Variants in SLCO4C1 observed in about 807,000 individuals in gnomAD.
SLCO4C1 encodes the protein solute carrier organic anion transporter family member 4C1.
SLCO4C1 carries 58 observed loss-of-function variants against 72.1 expected under a neutral mutation model. The ratio of observed to expected loss-of-function variants is 0.80; its 90% CI spans 0.65 to 1.00. The LOEUF (loss-of-function observed/expected upper bound fraction) is 1.00. SLCO4C1 is among the 50% of genes least tolerant of loss of function. The pLI is 0.00. For synonymous variants in SLCO4C1, 297 were observed against 312.5 expected (o/e 0.95, Z 0.52); for missense variants, 898 against 857.9 (o/e 1.05, Z -0.58).
intron 8 of SLCO4C1, among the ~76,000 whole-genome samples, chr5:102,250,759 C>T (rs1044042375): frequency 4.6e-5 from 7 of 152,012 alleles, no homozygotes; most frequent in African/African-American, 1.7e-4. Flanking sequence ...GATGCCAAAG[C>T]GGGTGGATCA....
intron 9 of SLCO4C1, among the ~76,000 whole-genome samples, chr5:102,248,403 A>G: frequency 6.6e-6 from 1 of 152,162 alleles, no homozygotes; most frequent in East Asian, 1.9e-4. Context: ...AAATTCTAGA[A>G]GACAACTTGC....
intron 3 of SLCO4C1, among the ~76,000 whole-genome samples, chr5:102,264,807 G>A (rs1742595544): frequency 6.7e-6 from 1 of 149,592 alleles, no homozygotes; most frequent in African/African-American, 2.5e-5. Context: ...TTTAATAACC[G>A]TAATTCTATT....
intron 10 of SLCO4C1, among the ~76,000 whole-genome samples, chr5:102,246,632 A>G (rs1748641067): frequency 6.6e-6 from 1 of 152,126 alleles, no homozygotes; most frequent in East Asian, 1.9e-4. Context: ...TTAAATAAAC[A>G]GTAAAAAAAG....
chr5:102,251,591 A>C (rs79707869), intron 8 of SLCO4C1, among the ~76,000 whole-genome samples: 67 of 96,618 alleles, frequency 6.9e-4, no homozygotes, highest in African/African-American at 1.9e-3. Context: ...TCCCATTTCC[A>C]AAAAAAAAAA....
chr5:102,238,950 G>A (rs940859898), intron 12 of SLCO4C1, among the ~76,000 whole-genome samples: 15 of 151,986 alleles, frequency 9.9e-5, no homozygotes, highest in South Asian at 2.1e-4. Flanking sequence ...TTTAGCTTTC[G>A]AGTATACTTT....
chr5:102,277,254 T>C (rs1413568704), intron 2 of SLCO4C1, among the ~76,000 whole-genome samples: 1 of 151,410 alleles, frequency 6.6e-6, no homozygotes, highest in East Asian at 1.9e-4. Context: ...ACCCCTGCAA[T>C]ATATGGTGTA....
chr5:102,253,158 T>C (rs1431878189), intron 8 of SLCO4C1, among the ~76,000 whole-genome samples: 2 of 152,112 alleles, frequency 1.3e-5, no homozygotes, highest in South Asian at 2.1e-4. Flanking sequence ...TCTATGAGGT[T>C]TTAAGTAAAA....
At chr5:102,270,155 A>G (rs1282652725) in intron 3 of SLCO4C1, among the ~76,000 whole-genome samples, 4 of 152,180 alleles carry the variant, frequency 2.6e-5, no homozygotes, top group African/African-American at 9.6e-5. Context: ...CCTTGCAGGA[A>G]CATAAGAGAA....
At chr5:102,262,108 C>CCTG in intron 4 of SLCO4C1, 75 bp from the exon 5 acceptor site, 1 of 1,256,528 alleles carries the variant, frequency 8.0e-7, no homozygotes, top group Non-Finnish European at 1.1e-6. Flanking sequence ...TAATCATATA[C>CCTG]TTTATACTTC....
Position 102,258,019 on chromosome 5 carries a change from AGTAGTAATTAAGGCTTCTG to A in SLCO4C1, c.1178_1196del (p.Ser393LeufsTer11). On this transcript the variant is annotated frameshift_variant, in exon 7 of 13. Transcript: ENST00000310954. LOFTEE classifies it high-confidence loss of function. ...ATTTAGGTAAAAATGTAGCAAATCC[AGTAGTAATTAAGGCTTCTG>A]AAGAAGTTGATAGAACTAAACACAT... is the stretch of plus-strand genomic sequence containing the variant. The A allele has an allele frequency of 6.2e-7, 1 of 1,608,666 alleles. No homozygotes were observed. Among genetic ancestry groups the A allele is most frequent in the Non-Finnish European group, 8.5e-7 (1 of 1,178,116 alleles).
intron 2 of SLCO4C1, among the ~76,000 whole-genome samples, chr5:102,278,576 A>G (rs1390496040): frequency 6.6e-5 from 10 of 152,200 alleles, no homozygotes; most frequent in Non-Finnish European, 1.5e-4. Flanking sequence ...AAGGCAGATC[A>G]CATCCTGCGC....
intron 10 of SLCO4C1, among the ~76,000 whole-genome samples, chr5:102,241,721 T>C (rs1223017252): frequency 6.6e-6 from 1 of 152,050 alleles, no homozygotes; most frequent in African/African-American, 2.4e-5. Context: ...TCCAAGAGCA[T>C]CTTTCACAGA....
chr5:102,241,807 C>G (rs779018540), intron 10 of SLCO4C1, among the ~76,000 whole-genome samples: 1 of 151,576 alleles, frequency 6.6e-6, no homozygotes. Context: ...GAGGGTGGAA[C>G]AAGATGATAG....
At chr5:102,287,528 T>C (rs1488080814) in intron 2 of SLCO4C1, among the ~76,000 whole-genome samples, 2 of 148,972 alleles carry the variant, frequency 1.3e-5, no homozygotes, top group Non-Finnish European at 3.0e-5. Context: ...AGAGGTTTTT[T>C]CACTTCTTTT....
At chr5:102,259,238 T>C (rs1748893564) in intron 6 of SLCO4C1, among the ~76,000 whole-genome samples, 1 of 152,026 alleles carries the variant, frequency 6.6e-6, no homozygotes, top group Non-Finnish European at 1.5e-5. Context: ...AAATGTTGAA[T>C]TCATAGAGAT....
At position 102,271,930 on chromosome 5, in the gene SLCO4C1, G is replaced by T. The variant is rs78036017; in HGVS notation, c.620-1124C>A. Reference sequence around the variant, plus strand: ...GGCCTCAGAAGAAAAGTAGGTCAGAGGTCATCTTTTGCAACTCGGGTAAAT... The same window carrying T: ...GGCCTCAGAAGAAAAGTAGGTCAGATGTCATCTTTTGCAACTCGGGTAAAT... On this transcript the variant is annotated intron_variant, in intron 2 of 12. Coordinates refer to ENST00000310954, the MANE Select transcript of SLCO4C1 (RefSeq NM_180991.5). Among the ~76,000 whole-genome samples, 15 of 152,236 alleles carry T rather than the reference G, an allele frequency of 9.9e-5. No individual in the cohort carries two copies. The East Asian group carries it at 2.9e-3, about 29-fold the overall frequency.
At chr5:102,249,545 G>A in intron 9 of SLCO4C1, 93 bp downstream of exon 9, 1 of 1,330,152 alleles carries the variant, frequency 7.5e-7, no homozygotes, top group East Asian at 2.3e-5. Flanking sequence ...GAGCAGGAAG[G>A]CAAGAATAGG....
intron 10 of SLCO4C1, 112 bp downstream of exon 10, chr5:102,247,140 C>G (rs112099381): frequency 2.9e-6 from 2 of 691,490 alleles, no homozygotes. Flanking sequence ...CTTGTAAGGG[C>G]TGATTGGTAT....
At chr5:102,284,644 T>C (rs1749416068) in intron 2 of SLCO4C1, among the ~76,000 whole-genome samples, 1 of 148,236 alleles carries the variant, frequency 6.7e-6, no homozygotes, top group South Asian at 2.1e-4. Flanking sequence ...TTTTTTTTTT[T>C]CCAAACTCAT....
Sources: gnomAD v4.1 joint callset for allele counts (sites outside exome capture counted in the v4.1 genomes callset) on GRCh38, gnomAD v4.1.1 for gene constraint, MANE v1.5 for transcripts, NCBI Gene and HGNC (gene_info 2026-07-23, HGNC 2026-07-21) for gene names.